Variants in FHOD3 observed in about 807,000 individuals in gnomAD.
FHOD3 encodes the protein formin homology 2 domain containing 3, also known as FH1/FH2 domain-containing protein 3.
Under a neutral mutation model 173.0 loss-of-function variants are expected in FHOD3, and 90 were observed. The observed-to-expected ratio is 0.52, with a 90% CI of 0.44 to 0.62. The LOEUF is 0.62. Among genes scored for constraint, FHOD3 ranks in the 20% least tolerant of loss-of-function variants. The pLI, the probability that FHOD3 is intolerant of heterozygous loss-of-function variation, is 0.00. For missense variants in FHOD3, 1,945 were observed against 2,034.7 expected, an observed-to-expected ratio of 0.96 and a Z score of 0.85; for synonymous variants, 828 against 823.0, an observed-to-expected ratio of 1.01 and a Z score of -0.10.
chr18:36,435,638 G>T (rs2143391212), intron 3 of FHOD3, among the ~76,000 whole-genome samples: 1 of 152,238 alleles, frequency 6.6e-6, no homozygotes, highest in Non-Finnish European at 1.5e-5. Context: ...TCAGAAACTG[G>T]CTAATGATAT....
rs147225084 is a variant in FHOD3 at position 36,576,529 on chromosome 18, C to T, written c.590C>T (p.Thr197Ile). The T allele has an allele frequency of 1.2e-6, 2 of 1,613,274 alleles. No homozygotes were observed. Among genetic ancestry groups the T allele is most frequent in the Non-Finnish European group, 1.7e-6 (2 of 1,179,486 alleles). ...NRNETIQWLY[T>I]LIGSKFRLVV... is the part of the protein sequence containing the mutation. Reference sequence around the variant, plus strand: ...AATGAAACCATTCAGTGGCTGTACACTCTCATTGGGTCAAAGGTAAGGGGA... The same window carrying T: ...AATGAAACCATTCAGTGGCTGTACATTCTCATTGGGTCAAAGGTAAGGGGA... Residue 197 changes from threonine (T) to isoleucine (I), a missense_variant, in exon 6 of 29, where the codon ACT becomes ATT. Thr to Ile is a moderately conservative substitution (Grantham distance 89). Around this residue, in one of 5 missense-constraint regions of FHOD3, gnomAD observed 245 missense variants for 267.7 expected, o/e 0.92. Transcript: ENST00000590592.
intron 3 of FHOD3, among the ~76,000 whole-genome samples, chr18:36,449,087 T>G (rs1239430850): frequency 6.6e-6 from 1 of 152,196 alleles, no homozygotes; most frequent in South Asian, 2.1e-4. Flanking sequence ...AAATACATGG[T>G]TTTAACCAAA....
intron 6 of FHOD3, among the ~76,000 whole-genome samples, chr18:36,584,033 G>A (rs746107697): frequency 6.6e-6 from 1 of 152,088 alleles, no homozygotes; most frequent in Non-Finnish European, 1.5e-5. Context: ...TCACCATGTT[G>A]CCCAGTCTGG....
intron 19 of FHOD3, among the ~76,000 whole-genome samples, chr18:36,722,365 G>A (rs2040836592): frequency 1.3e-5 from 2 of 152,126 alleles, no homozygotes; most frequent in South Asian, 2.1e-4. Context: ...TTCTCAAAGG[G>A]CAGCTTCTAT....
At position 36,718,550 on chromosome 18, in the gene FHOD3, G is replaced by A. The variant is rs978852655; in HGVS notation, c.3252G>A (p.Lys1084=). The A allele has an allele frequency of 5.5e-5, 88 of 1,614,066 alleles. No individual in the cohort carries two copies. Among genetic ancestry groups the A allele is most frequent in the Non-Finnish European group, 6.4e-5 (75 of 1,180,038 alleles). ...AGCCCACATTCACTAAGAAAAAGAA[G>A]ACCATCCGTTTGTTCTGGAATGAAG... ...RGQPTFTKKK[K]TIRLFWNEVR... is the part of the protein sequence containing the mutation. The change falls in exon 19 of 29, where the codon AAG becomes AAA. Residue 1084 remains lysine, a synonymous_variant. Transcript: ENST00000590592.
chr18:36,746,267 C>T (rs1156757649), intron 23 of FHOD3, among the ~76,000 whole-genome samples: 1 of 152,198 alleles, frequency 6.6e-6, no homozygotes, highest in Non-Finnish European at 1.5e-5. Flanking sequence ...GGCACACACA[C>T]GAGCCTGGTG....
At chr18:36,686,760 A>G (rs1001288084) in intron 15 of FHOD3, among the ~76,000 whole-genome samples, 4 of 152,202 alleles carry the variant, frequency 2.6e-5, no homozygotes, top group South Asian at 4.1e-4. Flanking sequence ...CCAGAGCTCA[A>G]CTGGATGCTA....
chr18:36,421,096 T>C (rs1194808656), intron 3 of FHOD3, among the ~76,000 whole-genome samples: 1 of 152,150 alleles, frequency 6.6e-6, no homozygotes, highest in African/African-American at 2.4e-5. Flanking sequence ...TTGAACTGTT[T>C]TTAGTTTTCA....
Position 36,769,319 on chromosome 18 carries a change from A to G in FHOD3, c.4679A>G (p.Asp1560Gly). The G allele has an allele frequency of 6.2e-7, 1 of 1,614,182 alleles. No individual in the cohort carries two copies. The highest frequency in any genetic ancestry group is 8.5e-7 in the Non-Finnish European group (1 of 1,180,032). Residue 1560 changes from aspartate to glycine, a missense_variant, in exon 28 of 29, where the codon GAT (aspartate) becomes GGT (glycine). This residue lies in a region of FHOD3 where 354 missense variants were observed against 359.9 expected (regional missense o/e 0.98). Coordinates refer to ENST00000590592, the MANE Select transcript of FHOD3 (RefSeq NM_001281740.3). The part of the protein sequence containing the change: ...GTDDSPNVTD[D>G]AADEIMDRIV... ...GATGACTCGCCCAATGTCACAGATG[A>G]TGCAGCTGATGAGATCATGGACCGC...
Position 36,471,115 on chromosome 18 carries a change from G to A in FHOD3, c.338-30817G>A, listed in dbSNP as rs1028460948. Among the ~76,000 whole-genome samples the A allele has an allele frequency of 8.5e-5, 13 of 152,314 alleles. 1 individual carries two copies. Among genetic ancestry groups the A allele is most frequent in the Admixed American group, 6.5e-4 (10 of 15,292 alleles). On this transcript the variant is annotated intron_variant, in intron 3 of 28. Coordinates refer to ENST00000590592, the MANE Select transcript of FHOD3 (RefSeq NM_001281740.3). ...GCTGTGCCCTAAAACAAAAGGCAGC[G>A]GGTATGCGCTTTGGAGAGGGCGTGC...
intron 1 of FHOD3, among the ~76,000 whole-genome samples, chr18:36,325,611 C>G (rs1332725976): frequency 6.6e-6 from 1 of 152,164 alleles, no homozygotes; most frequent in Admixed American, 6.5e-5. Context: ...CTTGCTTTAT[C>G]CATAATAGAT....
chr18:36,369,506 TAGAGAGAGAGAG>T (rs71168219), intron 2 of FHOD3, among the ~76,000 whole-genome samples: 22 of 128,304 alleles, frequency 1.7e-4, no homozygotes, highest in African/African-American at 6.0e-4. Flanking sequence ...CACATATATA[TAGAGAGAGAGAG>T]AGAGAGAGAG....
chr18:36,564,136 C>T (rs186721497), intron 5 of FHOD3, among the ~76,000 whole-genome samples: 37 of 152,234 alleles, frequency 2.4e-4, no homozygotes, highest in Admixed American at 6.5e-4. Flanking sequence ...TGAGACAGTC[C>T]AGCCACTGCT....
chr18:36,754,433 A>G (rs1258764163), intron 24 of FHOD3, among the ~76,000 whole-genome samples: 1 of 152,168 alleles, frequency 6.6e-6, no homozygotes, highest in Non-Finnish European at 1.5e-5. Flanking sequence ...AATTTCTTTT[A>G]CAACATTTTA....
At chr18:36,659,122 G>A (rs1324489794) in intron 14 of FHOD3, among the ~76,000 whole-genome samples, 6 of 152,202 alleles carry the variant, frequency 3.9e-5, no homozygotes, top group African/African-American at 1.2e-4. Flanking sequence ...TGTGTATTCT[G>A]AAGTATGTTT....
chr18:36,412,700 C>CT (rs1387994891), intron 3 of FHOD3, among the ~76,000 whole-genome samples: 2 of 152,040 alleles, frequency 1.3e-5, no homozygotes, highest in African/African-American at 2.4e-5. Context: ...TCATTTCAGG[C>CT]TTTTTTTGTT....
intron 2 of FHOD3, among the ~76,000 whole-genome samples, chr18:36,364,702 CA>C (rs1024110308): frequency 6.6e-5 from 10 of 152,186 alleles, no homozygotes; most frequent in African/African-American, 2.4e-4. Context: ...TCACTCCAAA[CA>C]CAATTGGATT....
intron 23 of FHOD3, among the ~76,000 whole-genome samples, chr18:36,745,689 T>G (rs1362665832): frequency 6.6e-6 from 1 of 151,646 alleles, no homozygotes; most frequent in Non-Finnish European, 1.5e-5. Context: ...CCTGCTCACC[T>G]CCACGCATCT....
At chr18:36,648,990 A>G (rs924949958) in intron 10 of FHOD3, among the ~76,000 whole-genome samples, 59 of 152,208 alleles carry the variant, frequency 3.9e-4, no homozygotes, top group African/African-American at 1.4e-3. Context: ...AGGTCTGCCC[A>G]TGGCCAGAAG....
Sources: allele counts gnomAD v4.1 joint callset (sites outside exome capture counted in the v4.1 genomes callset), GRCh38; gene constraint gnomAD v4.1.1; regional missense constraint gnomAD v4.1.1; transcripts MANE v1.5; gene names NCBI Gene and HGNC (gene_info 2026-07-23, HGNC 2026-07-21).